ANOS1: variants seen among roughly 807,000 people sequenced by gnomAD.
The protein encoded by ANOS1 is anosmin-1.
In ANOS1, 6 loss-of-function variants were observed where a neutral mutation model predicts 59.0. That is an observed-to-expected ratio of 0.10 (90% CI 0.06 to 0.20). ANOS1 has a LOEUF of 0.20. ANOS1 is among the 10% of genes least tolerant of loss of function. The pLI is 1.00. For synonymous variants in ANOS1, 217 were observed against 223.4 expected, an observed-to-expected ratio of 0.97 and a Z score of 0.25; for missense variants, 433 against 542.3, an observed-to-expected ratio of 0.80 and a Z score of 2.00.
intron 6 of ANOS1, 49 bp downstream of exon 6, chrX:8,585,218 C>T (rs1345267334): frequency 8.5e-7 from 1 of 1,174,200 alleles, no homozygotes; most frequent in African/African-American, 1.8e-5. Flanking sequence ...CCATGTGTGC[C>T]TGGTAGCAAG....
At chrX:8,631,298 T>C (rs769767922) in intron 2 of ANOS1, among the ~76,000 whole-genome samples, 1 of 112,216 alleles carries the variant, frequency 8.9e-6, no homozygotes, top group African/African-American at 3.2e-5. Context: ...ATTTCCTGAG[T>C]TCTAACTATA....
intron 1 of ANOS1, among the ~76,000 whole-genome samples, chrX:8,704,394 A>G (rs190830141): frequency 1.6e-3 from 176 of 111,414 alleles, no homozygotes; most frequent in African/African-American, 5.3e-3. Context: ...CCCCTTCCCA[A>G]GTGTAAACCC....
intron 1 of ANOS1, among the ~76,000 whole-genome samples, chrX:8,729,704 CTAAT>C (rs1264112415): frequency 3.1e-5 from 2 of 64,372 alleles, no homozygotes; most frequent in Non-Finnish European, 5.3e-5. Flanking sequence ...CATCTTCCTT[CTAAT>C]TATTAAAAAA....
At chrX:8,547,049 C>G (rs1929781118) in intron 9 of ANOS1, among the ~76,000 whole-genome samples, 1 of 111,989 alleles carries the variant, frequency 8.9e-6, no homozygotes, top group African/African-American at 3.3e-5. Flanking sequence ...CCTCCTACTG[C>G]TGTCTCTAAT....
chrX:8,650,693 A>G (rs1160903743), intron 2 of ANOS1, among the ~76,000 whole-genome samples: 1 of 111,773 alleles, frequency 8.9e-6, no homozygotes, highest in Admixed American at 9.5e-5. Flanking sequence ...ACTCCAGTCC[A>G]GGCAACAGAG....
chrX:8,577,255 G>T (rs12009370), intron 6 of ANOS1, among the ~76,000 whole-genome samples: 146 of 111,737 alleles, frequency 1.3e-3, no homozygotes, highest in Middle Eastern at 4.6e-3. Flanking sequence ...TTAGAGATGG[G>T]GAAATTGAGG....
intron 1 of ANOS1, among the ~76,000 whole-genome samples, chrX:8,710,298 G>T (rs1245858288): frequency 8.9e-6 from 1 of 111,767 alleles, no homozygotes; most frequent in African/African-American, 3.3e-5. Flanking sequence ...GAGCCACATA[G>T]GAGTCCAGAG....
rs149536078 is a variant in ANOS1 at position 8,587,899 on chromosome X, T to C, written c.621A>G (p.Lys207=). Residue 207 remains lysine, a synonymous_variant, in exon 5 of 14, where the codon AAA becomes AAG. Coordinates refer to ENST00000262648, the MANE Select transcript of ANOS1 (RefSeq NM_000216.4). ...TCACAGGCTCAATAGAAATATTGAA[T>C]TTCGAGGACCACTTAACCTCCAGCT... is the stretch of plus-strand genomic sequence containing the variant. ...SGQLEVKWSS[K]FNISIEPVIY... is the part of the protein sequence containing the mutation. 2.5e-5 allele frequency: 30 copies of C among 1,205,264 alleles called. No individual in the cohort carries two copies. Among genetic ancestry groups the C allele is most frequent in the Non-Finnish European group, 3.4e-5 (30 of 891,595 alleles).
intron 2 of ANOS1, among the ~76,000 whole-genome samples, chrX:8,663,193 T>C (rs1932070358): frequency 9.0e-6 from 1 of 111,728 alleles, no homozygotes; most frequent in Non-Finnish European, 1.9e-5. Context: ...TGTGAGACAA[T>C]AAATTTCTGT....
At chrX:8,714,337 A>T (rs773176521) in intron 1 of ANOS1, among the ~76,000 whole-genome samples, 3 of 111,968 alleles carry the variant, frequency 2.7e-5, no homozygotes, top group Non-Finnish European at 5.6e-5. Context: ...TCATTCCCAC[A>T]AGGCACATTA....
At chrX:8,584,443 G>T (rs1601964660) in intron 6 of ANOS1, among the ~76,000 whole-genome samples, 2 of 111,354 alleles carry the variant, frequency 1.8e-5, no homozygotes, top group African/African-American at 6.5e-5. Context: ...AAAAAAAGAG[G>T]CTTTTAAATG....
intron 2 of ANOS1, among the ~76,000 whole-genome samples, chrX:8,669,633 T>C (rs765802987): frequency 1.8e-5 from 2 of 111,828 alleles, no homozygotes; most frequent in South Asian, 7.5e-4. Flanking sequence ...AAATCTCAGA[T>C]TGCTTAATAT....
intron 2 of ANOS1, among the ~76,000 whole-genome samples, chrX:8,698,423 A>AT (rs1932715416): frequency 1.8e-5 from 2 of 112,547 alleles, no homozygotes; most frequent in African/African-American, 6.4e-5. Context: ...AATGTAACAA[A>AT]TTATCATTCC....
chrX:8,714,637 A>G (rs1159378258), intron 1 of ANOS1, among the ~76,000 whole-genome samples: 2 of 111,710 alleles, frequency 1.8e-5, no homozygotes, highest in East Asian at 5.6e-4. Flanking sequence ...TTAATGGTAA[A>G]GCAAAACCCC....
chrX:8,626,111 CAAAAAAAAAA>C (rs138234272), intron 2 of ANOS1, among the ~76,000 whole-genome samples: 1,101 of 24,519 alleles, frequency 0.045, 37 homozygotes, highest in African/African-American at 0.16. Context: ...GACTCTGTCT[CAAAAAAAAAA>C]AAAAAAAAAA....
At chrX:8,549,551 T>C (rs1929823858) in intron 9 of ANOS1, among the ~76,000 whole-genome samples, 1 of 112,370 alleles carries the variant, frequency 8.9e-6, no homozygotes, top group African/African-American at 3.2e-5. Context: ...TGAGAGTCAG[T>C]CCTAAAGCAA....
At chrX:8,675,765 T>C (rs1428165013) in intron 2 of ANOS1, among the ~76,000 whole-genome samples, 1 of 108,908 alleles carries the variant, frequency 9.2e-6, no homozygotes, top group Non-Finnish European at 1.9e-5. Flanking sequence ...CATAGGTAAA[T>C]GTGTACCATG....
intron 7 of ANOS1, among the ~76,000 whole-genome samples, chrX:8,570,132 C>G (rs1930200882): frequency 1.0e-5 from 1 of 98,731 alleles, no homozygotes; most frequent in African/African-American, 4.0e-5. Flanking sequence ...ACAAGGATCT[C>G]TCTCTCTCAA....
intron 6 of ANOS1, among the ~76,000 whole-genome samples, chrX:8,583,221 T>G (rs1408913038): frequency 1.9e-5 from 2 of 108,069 alleles, no homozygotes; most frequent in African/African-American, 6.8e-5. Context: ...TTCAGATACA[T>G]GGGTAATAAA....
Sources: gnomAD v4.1 joint callset for allele counts (sites outside exome capture counted in the v4.1 genomes callset) on GRCh38, gnomAD v4.1.1 for gene constraint, MANE v1.5 for transcripts, NCBI Gene and HGNC (gene_info 2026-07-23, HGNC 2026-07-21) for gene names.